Variants in GPC6 observed in about 807,000 individuals in gnomAD.
GPC6 encodes glypican 6.
In GPC6, 14 loss-of-function variants were observed where a neutral mutation model predicts 55.2. The observed-to-expected ratio is 0.25, with a 90% CI of 0.17 to 0.40. GPC6 has a LOEUF of 0.40. Among genes scored for constraint, GPC6 ranks in the 10% least tolerant of loss-of-function variants. The pLI, the probability that GPC6 is intolerant of heterozygous loss-of-function variation, is 1.00. For missense variants in GPC6, 641 were observed against 708.5 expected (o/e 0.90, Z 1.08); for synonymous variants, 278 against 259.6 (o/e 1.07, Z -0.68).
chr13:93,809,513 T>TC (rs1886634504), intron 2 of GPC6, among the ~76,000 whole-genome samples: 1 of 152,194 alleles, frequency 6.6e-6, no homozygotes, highest in African/African-American at 2.4e-5. Flanking sequence ...AAGACACCCT[T>TC]CCTCCCTAAA....
intron 4 of GPC6, among the ~76,000 whole-genome samples, chr13:94,201,054 T>C (rs1206440640): frequency 6.6e-6 from 1 of 152,246 alleles, no homozygotes; most frequent in Non-Finnish European, 1.5e-5. Context: ...TGGAAAACTG[T>C]AACATTATCA....
chr13:93,713,935 C>G (rs1314730333), intron 2 of GPC6, among the ~76,000 whole-genome samples: 3 of 151,742 alleles, frequency 2.0e-5, no homozygotes, highest in African/African-American at 7.2e-5. Context: ...AAAATTAACT[C>G]AAGATGGATT....
chr13:93,326,823 T>C (rs948751377), intron 1 of GPC6, among the ~76,000 whole-genome samples: 2 of 152,186 alleles, frequency 1.3e-5, no homozygotes, highest in Non-Finnish European at 2.9e-5. Context: ...CGAACATTTT[T>C]TTAAATACTG....
intron 2 of GPC6, among the ~76,000 whole-genome samples, chr13:93,702,767 T>G (rs1406653459): frequency 6.6e-6 from 1 of 151,988 alleles, no homozygotes; most frequent in East Asian, 1.9e-4. Context: ...CCTATGAACC[T>G]CTGCTAGCCT....
chr13:93,341,756 A>T (rs1880263341), intron 1 of GPC6, among the ~76,000 whole-genome samples: 9 of 127,720 alleles, frequency 7.0e-5, no homozygotes, highest in African/African-American at 8.8e-5. Context: ...GGTCCCATTT[A>T]TTTATTTTTG....
chr13:93,888,980 A>G (rs1163162936), intron 3 of GPC6, among the ~76,000 whole-genome samples: 2 of 152,146 alleles, frequency 1.3e-5, no homozygotes, highest in African/African-American at 4.8e-5. Flanking sequence ...AATAATAGCC[A>G]AGACTTATCA....
At chr13:93,793,812 C>T (rs149238859) in intron 2 of GPC6, among the ~76,000 whole-genome samples, 9 of 152,268 alleles carry the variant, frequency 5.9e-5, no homozygotes, top group African/African-American at 1.9e-4. Flanking sequence ...AATAAACTCA[C>T]TCCTGTCTTT....
At position 94,039,260 on chromosome 13, in the gene GPC6, G is replaced by A. The variant is rs180768170; in HGVS notation, c.877+11366G>A. ...CCTTGTAGGCAATGACAAGGCACAG[G>A]GTTTTTTTATCCAGGGAATGTCAGG... is the stretch of plus-strand genomic sequence containing the variant. On this transcript the variant is annotated intron_variant, in intron 4 of 8. Transcript: ENST00000377047. 3.6e-3 allele frequency among the ~76,000 whole-genome samples: 542 copies of A among 151,990 alleles called. 1 individual carries two copies. Among genetic ancestry groups the A allele is most frequent in the South Asian group, 5.2e-3 (25 of 4,822 alleles).
At chr13:94,063,917 G>C (rs1418156944) in intron 4 of GPC6, among the ~76,000 whole-genome samples, 1 of 152,104 alleles carries the variant, frequency 6.6e-6, no homozygotes, top group African/African-American at 2.4e-5. Flanking sequence ...TTTCATGGTT[G>C]GAAGCATTTT....
Position 93,876,991 on chromosome 13 carries a change from A to G in GPC6, c.711+46446A>G, listed in dbSNP as rs193165026. Reference sequence around the variant, plus strand: ...ACTGTTGGTATATTTGGACATTGCCAGAAACTCTGTAGTTAAGGTGAAGGT... The same window carrying G: ...ACTGTTGGTATATTTGGACATTGCCGGAAACTCTGTAGTTAAGGTGAAGGT... On this transcript the variant is annotated intron_variant, in intron 3 of 8. Coordinates refer to ENST00000377047, the MANE Select transcript of GPC6 (RefSeq NM_005708.5). Among the ~76,000 whole-genome samples, 341 of 152,206 alleles carry G rather than the reference A, an allele frequency of 2.2e-3. 3 individuals are homozygous for G. Among genetic ancestry groups the G allele is most frequent in the Non-Finnish European group, 8.5e-4 (58 of 67,988 alleles).
In GPC6 at chr13:93,545,363, G is replaced by T. The variant is rs199838856; in HGVS notation, c.261G>T (p.Val87=). 1.2e-6 allele frequency: 2 copies of T among 1,613,758 alleles called. No homozygotes were observed. Among genetic ancestry groups the T allele is most frequent in the Non-Finnish European group, 1.7e-6 (2 of 1,179,702 alleles). The change falls in exon 2 of 9, where the codon GTG becomes GTT. Residue 87 remains valine (V), a synonymous_variant. Transcript: ENST00000377047. ...QQSKLEFENL[V]EETSHFVRTT... ...GCAAACTCGAATTTGAAAACCTTGT[G>T]GAAGAGACAAGCCATTTTGTGCGCA... is the stretch of plus-strand genomic sequence containing the variant.
At chr13:94,274,028 G>T (rs1445535737) in intron 4 of GPC6, among the ~76,000 whole-genome samples, 1 of 152,188 alleles carries the variant, frequency 6.6e-6, no homozygotes, top group African/African-American at 2.4e-5. Flanking sequence ...CCTGGCTTAT[G>T]ATGTAACTAA....
chr13:93,551,778 T>C (rs1030470683), intron 2 of GPC6, among the ~76,000 whole-genome samples: 16 of 152,146 alleles, frequency 1.1e-4, no homozygotes, highest in South Asian at 4.1e-4. Context: ...ACTAATCACA[T>C]TGACTTTTAA....
intron 2 of GPC6, among the ~76,000 whole-genome samples, chr13:93,757,206 T>C (rs1364316316): frequency 1.3e-5 from 2 of 152,130 alleles, no homozygotes; most frequent in Non-Finnish European, 2.9e-5. Flanking sequence ...TGTTCATAAA[T>C]ACACATAAGC....
At chr13:93,567,386 G>T (rs1876182566) in intron 2 of GPC6, among the ~76,000 whole-genome samples, 1 of 152,066 alleles carries the variant, frequency 6.6e-6, no homozygotes, top group Admixed American at 6.5e-5. Flanking sequence ...GCGCATAAGG[G>T]ATAAAATATG....
intron 6 of GPC6, among the ~76,000 whole-genome samples, chr13:94,348,139 A>G (rs1040432809): frequency 1.3e-5 from 2 of 152,222 alleles, no homozygotes; most frequent in Non-Finnish European, 2.9e-5. Context: ...CTTTTAGCCT[A>G]TAAGGGCCTT....
At chr13:93,408,318 G>A (rs1256611902) in intron 1 of GPC6, among the ~76,000 whole-genome samples, 1 of 152,120 alleles carries the variant, frequency 6.6e-6, no homozygotes, top group African/African-American at 2.4e-5. Flanking sequence ...GAATAGAAGA[G>A]GTGAGACATG....
intron 4 of GPC6, among the ~76,000 whole-genome samples, chr13:94,254,147 G>A (rs1431521169): frequency 6.6e-6 from 1 of 152,088 alleles, no homozygotes; most frequent in Non-Finnish European, 1.5e-5. Flanking sequence ...ATTATAAAAT[G>A]TATCGAGTCA....
At chr13:93,221,643 G>T in the GPC6 span, among the ~76,000 whole-genome samples, 3 of 152,168 alleles carry the variant, frequency 2.0e-5, no homozygotes. Context: ...CCATAAGATG[G>T]AAATGAAAGA....
Sources: allele counts gnomAD v4.1 joint callset (sites outside exome capture counted in the v4.1 genomes callset), GRCh38; gene constraint gnomAD v4.1.1; transcripts MANE v1.5; gene names NCBI Gene and HGNC (gene_info 2026-07-23, HGNC 2026-07-21).